The following PDE12 variants were observed in gnomAD, a reference collection of about 807,000 sequenced individuals.
The protein encoded by PDE12 is 2',5'-phosphodiesterase 12.
In PDE12, 26 loss-of-function variants were observed where a neutral mutation model predicts 45.4. The observed-to-expected ratio is 0.57, with a 90% CI of 0.42 to 0.79. PDE12 has a LOEUF of 0.79. Ranked by LOEUF, PDE12 falls within the 30% of genes least tolerant of loss-of-function variation. PDE12 has a pLI of 0.00. For synonymous variants in PDE12, 283 were observed against 323.9 expected (o/e 0.87, Z 1.36); for missense variants, 668 against 790.0 (o/e 0.85, Z 1.85).
chr3:57,575,807 C>T, the PDE12 span: 7 of 990,654 alleles, frequency 7.1e-6, no homozygotes, highest in Non-Finnish European at 9.8e-6. Flanking sequence ...AAAGTTCACT[C>T]TTACAACTGA....
chr3:57,652,282 G>A, the PDE12 span, among the ~76,000 whole-genome samples: 12 of 152,176 alleles, frequency 7.9e-5, no homozygotes, highest in Non-Finnish European at 1.2e-4. Context: ...CTGCCATGTT[G>A]TGAGAACATT....
rs2069756821 is a variant in PDE12, at chr3:57,564,271, A to G, written c.*4267A>G. On this transcript the variant is annotated 3_prime_UTR_variant, in exon 3 of 3. Transcript: ENST00000311180. Reference sequence around the variant, plus strand: ...TATAAATGGCAAAATAATCTTAAATATAGTAAATCTGTTCACCTATCTGCT... The same window carrying G: ...TATAAATGGCAAAATAATCTTAAATGTAGTAAATCTGTTCACCTATCTGCT... 1.3e-5 allele frequency: 2 copies of G among 152,198 alleles called. No individual in the cohort carries two copies. Among genetic ancestry groups the G allele is most frequent in the African/African-American group, 2.4e-5 (1 of 41,458 alleles). 9.4% of individuals were successfully genotyped at this position (152,198 alleles called of 1,614,324 possible). A position where few individuals can be genotyped will look rare whatever the true frequency, so the allele number is the denominator to read the frequency against.
At chr3:57,650,313 A>G in the PDE12 span, among the ~76,000 whole-genome samples, 2 of 152,060 alleles carry the variant, frequency 1.3e-5, no homozygotes, top group Non-Finnish European at 2.9e-5. Context: ...CCTAAAAAAA[A>G]AAAAGTTGCA....
At chr3:57,587,519 G>C in the PDE12 span, among the ~76,000 whole-genome samples, 26 of 151,386 alleles carry the variant, frequency 1.7e-4, no homozygotes, top group African/African-American at 5.8e-4. Context: ...TCTACTGATA[G>C]GAATTTTTTT....
chr3:57,597,409 G>A, the PDE12 span: 3 of 320,252 alleles, frequency 9.4e-6, no homozygotes, highest in South Asian at 3.9e-5. Flanking sequence ...CGGCCGCGGC[G>A]ACTCCAGCAG....
chr3:57,652,142 G>A, the PDE12 span, among the ~76,000 whole-genome samples: 130 of 152,300 alleles, frequency 8.5e-4, no homozygotes, highest in Middle Eastern at 0.027. Context: ...TCTTGAGCGC[G>A]GACTGGATTA....
chr3:57,655,938 C>G, the PDE12 span, among the ~76,000 whole-genome samples: 1 of 152,116 alleles, frequency 6.6e-6, no homozygotes, highest in Non-Finnish European at 1.5e-5. Context: ...CAAATTATTC[C>G]TTAATGAGTC....
chr3:57,654,528 T>C, the PDE12 span: 1 of 704,538 alleles, frequency 1.4e-6, no homozygotes, highest in Non-Finnish European at 1.7e-6. Flanking sequence ...AGGTGATAAC[T>C]GATGTGTCTC....
chr3:57,614,758 A>G, the PDE12 span, among the ~76,000 whole-genome samples: 1 of 150,502 alleles, frequency 6.6e-6, no homozygotes, highest in African/African-American at 2.4e-5. Context: ...GGGTGTAATC[A>G]TTTTTTTCTA....
downstream of PDE12, chr3:57,571,554 GAC>G (rs376504989): frequency 3.3e-5 from 5 of 152,536 alleles, no homozygotes; most frequent in African/African-American, 1.2e-4. Flanking sequence ...ACATAAAAAA[GAC>G]ACAATATAAA....
At chr3:57,612,269 A>T in the PDE12 span, among the ~76,000 whole-genome samples, 13 of 150,704 alleles carry the variant, frequency 8.6e-5, no homozygotes, top group Admixed American at 5.3e-4. Flanking sequence ...GAGGGATAGC[A>T]TTAGGAGATA....
chr3:57,557,360 G>A lies in PDE12; in HGVS notation c.981G>A (p.Glu327=), dbSNP rs1315808064. The stretch of plus-strand genomic sequence containing the variant: ...CATACTGTGCCCCCTACGCCCTGGA[G>A]CTCGACTACCGCCAGAACCTTATCC... ...LYPYCAPYAL[E]LDYRQNLIQK... Residue 327 remains glutamate (E), a synonymous_variant, in exon 1 of 3, where the codon GAG becomes GAA. Transcript: ENST00000311180. 1 of 1,613,848 alleles carries A rather than the reference G, an allele frequency of 6.2e-7. No homozygotes were observed. The highest frequency in any genetic ancestry group is 8.5e-7 in the Non-Finnish European group (1 of 1,180,036).
At chr3:57,636,114 T>G in the PDE12 span, among the ~76,000 whole-genome samples, 3 of 152,158 alleles carry the variant, frequency 2.0e-5, no homozygotes, top group African/African-American at 7.2e-5. Context: ...TGATCAACAG[T>G]AGGCTGTTAG....
At chr3:57,649,141 A>C in the PDE12 span, among the ~76,000 whole-genome samples, 6 of 152,362 alleles carry the variant, frequency 3.9e-5, no homozygotes, top group South Asian at 1.2e-3. Flanking sequence ...AGAATCTATA[A>C]GGAACTTAAA....
In PDE12 at chr3:57,560,029, C is replaced by G; in HGVS notation, c.*25C>G. 13 of 1,564,018 alleles carry G rather than the reference C, an allele frequency of 8.3e-6. No individual in the cohort carries two copies. The highest frequency in any genetic ancestry group is 1.9e-5 in the Admixed American group (1 of 53,466). On this transcript the variant is annotated 3_prime_UTR_variant, in exon 3 of 3. Coordinates refer to ENST00000311180, the MANE Select transcript of PDE12 (RefSeq NM_177966.7). ...GATGTGTGTTTAATGGAATTGAAGT[C>G]TGAAAAGGAAGTAGTTATTTTAGCA...
the PDE12 span, among the ~76,000 whole-genome samples, chr3:57,596,187 A>G: frequency 2.8e-4 from 42 of 152,330 alleles, no homozygotes; most frequent in Non-Finnish European, 4.3e-4. Context: ...GTAGTTTTTA[A>G]AAAGTCAACT....
At chr3:57,634,408 G>T in the PDE12 span, 73 of 352,642 alleles carry the variant, frequency 2.1e-4, no homozygotes, top group Non-Finnish European at 4.4e-5. Context: ...ACTCCAGCCT[G>T]GGTGATAGAG....
At chr3:57,559,450 C>T in intron 2 of PDE12, 62 bp downstream of exon 2, 1 of 1,569,516 alleles carries the variant, frequency 6.4e-7, no homozygotes, top group Non-Finnish European at 8.8e-7. Flanking sequence ...AAGTGTTTTA[C>T]ACAAATGCAT....
the PDE12 span, among the ~76,000 whole-genome samples, chr3:57,623,258 C>CAAAA: frequency 4.6e-5 from 7 of 151,662 alleles, no homozygotes; most frequent in East Asian, 1.4e-3. Flanking sequence ...AAAACAACAA[C>CAAAA]AAACAAACAA....
Sources: gnomAD v4.1 joint callset for allele counts (sites outside exome capture counted in the v4.1 genomes callset) on GRCh38, gnomAD v4.1.1 for gene constraint, MANE v1.5 for transcripts, NCBI Gene and HGNC (gene_info 2026-07-23, HGNC 2026-07-21) for gene names.